The following CLRN2 variants were observed in gnomAD, a reference collection of about 807,000 sequenced individuals.
The protein encoded by CLRN2 is clarin-2.
In CLRN2, 17 loss-of-function variants were observed where a neutral mutation model predicts 20.1. The ratio of observed to expected loss-of-function variants is 0.85; its 90% CI spans 0.58 to 1.27. The LOEUF is 1.27. Ranked by LOEUF, CLRN2 falls within the 50% of genes most tolerant of loss-of-function variation. CLRN2 has a pLI of 0.00. For missense variants in CLRN2, 288 were observed against 299.5 expected, an observed-to-expected ratio of 0.96 and a Z score of 0.28; for synonymous variants, 140 against 126.9, an observed-to-expected ratio of 1.10 and a Z score of -0.70.
intron 2 of CLRN2, 38 bp from the exon 3 acceptor site, chr4:17,526,779 A>T: frequency 6.2e-7 from 1 of 1,608,532 alleles, no homozygotes; most frequent in Non-Finnish European, 8.5e-7. Flanking sequence ...GAGTTGCAAA[A>T]AGGAGCCGTG....
rs1459418353 is a variant in CLRN2, at chr4:17,527,052, C to T, written c.669C>T (p.Ala223=). 1.9e-6 allele frequency: 3 copies of T among 1,613,968 alleles called. No homozygotes were observed. Among genetic ancestry groups the T allele is most frequent in the South Asian group, 2.2e-5 (2 of 91,086 alleles). Residue 223 remains alanine (A), a synonymous_variant, in exon 3 of 3, where the codon GCC becomes GCT. Transcript: ENST00000511148. ...AGATTAAGACCAAAATCGAAGAGGC[C>T]ACGGTCACAGCTGAGGATATCTTGT... ...LPEIKTKIEE[A]TVTAEDILY
chr4:17,525,776 T>G (rs1711959330), intron 2 of CLRN2, among the ~76,000 whole-genome samples: 1 of 152,162 alleles, frequency 6.6e-6, no homozygotes, highest in Admixed American at 6.5e-5. Flanking sequence ...TAATACTAAT[T>G]TTCTTAAAGA....
At chr4:17,516,465 T>C (rs1711676545) in intron 1 of CLRN2, among the ~76,000 whole-genome samples, 1 of 152,254 alleles carries the variant, frequency 6.6e-6, no homozygotes, top group Admixed American at 6.5e-5. Flanking sequence ...CATTCCTTGA[T>C]TTCTATATTT....
chr4:17,522,817 G>T, intron 1 of CLRN2, 47 bp from the exon 2 acceptor site: 1 of 1,582,058 alleles, frequency 6.3e-7, no homozygotes, highest in South Asian at 1.2e-5. Flanking sequence ...TCATGAAAGT[G>T]AGTCTAACTC....
Position 17,515,411 on chromosome 4 carries a change from G to T in CLRN2, c.145G>T (p.Ala49Ser). 1 of 1,613,938 alleles carries T rather than the reference G, an allele frequency of 6.2e-7. No homozygotes were observed. The highest frequency in any genetic ancestry group is 1.3e-5 in the African/African-American group (1 of 75,022). Reference sequence around the variant, plus strand: ...TCAGACTGGAGTGGATCTGGTCAACGCCACAGACAGAGAGCTGGTCAAGTT... The same window carrying T: ...TCAGACTGGAGTGGATCTGGTCAACTCCACAGACAGAGAGCTGGTCAAGTT... Reference protein sequence around the residue: ...LCQTGVDLVNATDRELVKFIG... With the variant: ...LCQTGVDLVNSTDRELVKFIG... Residue 49 changes from alanine to serine, a missense_variant, in exon 1 of 3, where the codon GCC becomes TCC. Physicochemically the swap from Ala to Ser is moderately conservative, Grantham distance 99 (BLOSUM62 1). Coordinates refer to ENST00000511148, the MANE Select transcript of CLRN2 (RefSeq NM_001079827.2).
intron 2 of CLRN2, among the ~76,000 whole-genome samples, chr4:17,526,013 T>G (rs535121577): frequency 6.6e-6 from 1 of 151,656 alleles, no homozygotes; most frequent in Non-Finnish European, 1.5e-5. Context: ...TCCCAGAAAG[T>G]CAAAGTTTCA....
chr4:17,524,750 C>A (rs955373567), intron 2 of CLRN2, among the ~76,000 whole-genome samples: 1 of 145,400 alleles, frequency 6.9e-6, no homozygotes, highest in Non-Finnish European at 1.5e-5. Flanking sequence ...AGCAAGACCC[C>A]ATTTCTAAAA....
chr4:17,516,740 TA>T (rs993588960), intron 1 of CLRN2, among the ~76,000 whole-genome samples: 2 of 151,286 alleles, frequency 1.3e-5, no homozygotes, highest in African/African-American at 4.9e-5. Flanking sequence ...CATAAACAAA[TA>T]AAAAAAAGAA....
intron 1 of CLRN2, 92 bp from the exon 2 acceptor site, chr4:17,522,772 T>A: frequency 1.4e-6 from 2 of 1,383,476 alleles, no homozygotes; most frequent in Non-Finnish European, 2.0e-6. Context: ...CTCACCCCTG[T>A]CTGTCGAAGC....
intron 1 of CLRN2, among the ~76,000 whole-genome samples, chr4:17,519,152 C>T (rs1711772926): frequency 6.6e-6 from 1 of 152,108 alleles, no homozygotes; most frequent in African/African-American, 2.4e-5. Flanking sequence ...CTCTGGGATT[C>T]GGAGCAAACA....
At position 17,515,345 on chromosome 4, in the gene CLRN2, G is replaced by A. The variant is rs1317468193; in HGVS notation, c.79G>A (p.Ala27Thr). 9 of 1,613,902 alleles carry A rather than the reference G, an allele frequency of 5.6e-6. No homozygotes were observed. In the East Asian group the frequency reaches 2.0e-4, roughly 36 times the overall value. ...CTCCTCCTTCATCCTGATCATCGTT[G>A]CCCTGGTAGTGCCCCACTGGCTGAG... ...SFSSFILIIV[A>T]LVVPHWLSGK... Residue 27 changes from alanine to threonine, a missense_variant, in exon 1 of 3, where the codon GCC (alanine) becomes ACC (threonine). Ala to Thr is a moderately conservative substitution (Grantham distance 58). Coordinates refer to ENST00000511148, the MANE Select transcript of CLRN2 (RefSeq NM_001079827.2).
At chr4:17,520,611 A>G (rs148106533) in intron 1 of CLRN2, among the ~76,000 whole-genome samples, 42 of 152,350 alleles carry the variant, frequency 2.8e-4, no homozygotes, top group African/African-American at 9.1e-4. Flanking sequence ...TTTAGCAAAC[A>G]TTTTGATCTT....
chr4:17,524,204 A>ATATGTGTGTG (rs373377882), intron 2 of CLRN2, among the ~76,000 whole-genome samples: 1 of 148,536 alleles, frequency 6.7e-6, no homozygotes. Context: ...AAACTACAAG[A>ATATGTGTGTG]TGTGTGTGTG....
chr4:17,522,808 C>A, intron 1 of CLRN2, 56 bp from the exon 2 acceptor site: 1 of 1,571,566 alleles, frequency 6.4e-7, no homozygotes, highest in Non-Finnish European at 8.7e-7. Context: ...GCTTGGACTT[C>A]ATGAAAGTGA....
At chr4:17,521,662 T>C (rs1711839952) in intron 1 of CLRN2, among the ~76,000 whole-genome samples, 1 of 152,210 alleles carries the variant, frequency 6.6e-6, no homozygotes, top group South Asian at 2.1e-4. Flanking sequence ...GGAAGGTGTA[T>C]TCCAGAGAAG....
In CLRN2 at chr4:17,523,025, C is replaced by T. The variant is rs746187160; in HGVS notation, c.415C>T (p.Leu139=). The change falls in exon 2 of 3, where the codon CTA becomes TTA. Residue 139 remains leucine, a synonymous_variant. Transcript: ENST00000511148. ...AGTCAGCGGTCCTGGGGGCATCTGC[C>T]TATGGAATGTCCTGGCAGGTAAGAA... ...RAVSGPGGIC[L]WNVLAGGVVA... 6.2e-7 allele frequency: 1 copy of T among 1,612,754 alleles called. No homozygotes were observed. The highest frequency in any genetic ancestry group is 8.5e-7 in the Non-Finnish European group (1 of 1,179,580).
At chr4:17,526,349 G>T (rs1711974316) in intron 2 of CLRN2, among the ~76,000 whole-genome samples, 1 of 152,128 alleles carries the variant, frequency 6.6e-6, no homozygotes, top group Non-Finnish European at 1.5e-5. Context: ...CACTTGAGGT[G>T]AGGAGTTCGA....
intron 1 of CLRN2, among the ~76,000 whole-genome samples, chr4:17,518,414 A>G (rs1187275838): frequency 1.3e-5 from 2 of 152,248 alleles, no homozygotes; most frequent in Non-Finnish European, 2.9e-5. Flanking sequence ...TTTACAGACC[A>G]GGCTCTTAAG....
chr4:17,515,455 C>T lies in CLRN2; in HGVS notation c.189C>T (p.Tyr63=), dbSNP rs375481483. 3.7e-6 allele frequency: 6 copies of T among 1,613,768 alleles called. No homozygotes were observed. Among genetic ancestry groups the T allele is most frequent in the South Asian group, 3.3e-5 (3 of 91,072 alleles). ...TCAAGTTCATTGGGGACATTTACTACGGGCTCTTCCGAGGGTGTAAAGTGC... is the reference window on the plus strand; with the variant it reads ...TCAAGTTCATTGGGGACATTTACTATGGGCTCTTCCGAGGGTGTAAAGTGC... ...ELVKFIGDIY[Y]GLFRGCKVRQ... The change falls in exon 1 of 3, where the codon TAC becomes TAT. Residue 63 remains tyrosine (Y), a synonymous_variant. Transcript: ENST00000511148.
Sources: gnomAD v4.1 joint callset for allele counts (sites outside exome capture counted in the v4.1 genomes callset) on GRCh38, gnomAD v4.1.1 for gene constraint, MANE v1.5 for transcripts, NCBI Gene and HGNC (gene_info 2026-07-23, HGNC 2026-07-21) for gene names.